IL15RA: variants seen among roughly 807,000 people sequenced by gnomAD.
The protein encoded by IL15RA is interleukin 15 receptor subunit alpha.
A neutral mutation model predicts 24.2 loss-of-function variants in IL15RA; 26 were observed. That is an observed-to-expected ratio of 1.07 (90% CI 0.79 to 1.49). The LOEUF is 1.49. Ranked by LOEUF, IL15RA falls within the 40% of genes most tolerant of loss-of-function variation. The pLI is 0.00. For missense variants in IL15RA, 354 were observed against 356.4 expected (o/e 0.99, Z 0.05); for synonymous variants, 166 against 157.6 (o/e 1.05, Z -0.40).
Position 5,953,062 on chromosome 10 carries a change from C to T in IL15RA, c.*33G>A, listed in dbSNP as rs772931611. On this transcript the variant is annotated 3_prime_UTR_variant, in exon 7 of 7. Coordinates refer to ENST00000379977, the MANE Select transcript of IL15RA (RefSeq NM_002189.4). The surrounding 1 kb of genome is among the most constrained non-coding windows in gnomAD (Gnocchi z 5.3). ...TAGCTAAAGCAGAGAGGCTCCTTCA[C>T]TCCGGACTTAGCTGGGCTGGTTTCC... 2 of 1,501,976 alleles carry T rather than the reference C, an allele frequency of 1.3e-6. No individual in the cohort carries two copies. Among genetic ancestry groups the T allele is most frequent in the South Asian group, 1.1e-5 (1 of 88,770 alleles). 93.0% of individuals were successfully genotyped at this position (1,501,976 alleles called of 1,614,324 possible).
intron 6 of IL15RA, among the ~76,000 whole-genome samples, chr10:5,954,350 G>A (rs1834223817): frequency 1.3e-5 from 2 of 152,064 alleles, no homozygotes; most frequent in Non-Finnish European, 2.9e-5. Context: ...AGCGATGCAT[G>A]CACTTCAGCC....
At position 5,973,419 on chromosome 10, in the gene IL15RA, A is replaced by C. The variant is rs923991563; in HGVS notation, c.88+3986T>G. On this transcript the variant is annotated intron_variant, in intron 1 of 6. Transcript: ENST00000379977. The surrounding 1 kb of genome is among the most constrained non-coding windows in gnomAD (Gnocchi z 4.5). Reference sequence around the variant, plus strand: ...TAATGTTATTTCAAATGACTTTTTAAAGTTTTTTAATTTCTAATTGTTCAT... The same window carrying C: ...TAATGTTATTTCAAATGACTTTTTACAGTTTTTTAATTTCTAATTGTTCAT... Among the ~76,000 whole-genome samples, 10 of 152,138 alleles carry C rather than the reference A, an allele frequency of 6.6e-5. No individual in the cohort carries two copies. The highest frequency in any genetic ancestry group is 2.4e-4 in the African/African-American group (10 of 41,432).
At chr10:5,978,382 C>G (rs1414708002), upstream of IL15RA, among the ~76,000 whole-genome samples, 1 of 152,066 alleles carries the variant, frequency 6.6e-6, no homozygotes, top group Non-Finnish European at 1.5e-5. The surrounding 1 kb of genome is among the most constrained non-coding windows in gnomAD (Gnocchi z 5.2). Context: ...CTGTAAGCTC[C>G]CAAGTGCAGA....
rs975460779 is a variant in IL15RA, at chr10:5,970,226, C to T, written c.89-3887G>A. 1.3e-5 allele frequency among the ~76,000 whole-genome samples: 2 copies of T among 152,052 alleles called. No individual in the cohort carries two copies. The highest frequency in any genetic ancestry group is 4.8e-5 in the African/African-American group (2 of 41,370). On this transcript the variant is annotated intron_variant, in intron 1 of 6. Transcript: ENST00000379977. The surrounding 1 kb of genome is among the most constrained non-coding windows in gnomAD (Gnocchi z 4.1). ...ATATCTTTACCTTATCACAGTTTTC[C>T]TTCCGGTGATGTTATACCACCACAT...
intron 6 of IL15RA, among the ~76,000 whole-genome samples, chr10:5,954,832 T>A (rs890730232): frequency 6.6e-6 from 1 of 152,184 alleles, no homozygotes; most frequent in African/African-American, 2.4e-5. Flanking sequence ...TTATTAATAG[T>A]GATATTTTGA....
intron 1 of IL15RA, among the ~76,000 whole-genome samples, chr10:5,972,829 G>A (rs1293800943): frequency 6.6e-6 from 1 of 151,904 alleles, no homozygotes; most frequent in Non-Finnish European, 1.5e-5. Flanking sequence ...ATACACTCAC[G>A]TTTTCACCAC....
Position 5,953,217 on chromosome 10 carries a change from G to A in IL15RA, c.693-11C>T, listed in dbSNP as rs750539532. On this transcript the variant is annotated splice_polypyrimidine_tract_variant and intron_variant, in intron 6 of 6. Transcript: ENST00000379977. This position sits in a 1 kb window ranked among gnomAD's most constrained non-coding sequence, Gnocchi z 5.3. Reference sequence around the variant, plus strand: ...AGCGGGGGAGTTTGCCTGCAAAGCAGGTGGTTCATAGGTTTTGAAAAGAGG... The same window carrying A: ...AGCGGGGGAGTTTGCCTGCAAAGCAAGTGGTTCATAGGTTTTGAAAAGAGG... The A allele has an allele frequency of 2.5e-6, 4 of 1,605,164 alleles. No individual in the cohort carries two copies. The African/African-American group carries it at 4.0e-5, about 16-fold the overall frequency.
rs1007765259 is a variant in IL15RA, at chr10:5,961,834, C to T, written c.383-1267G>A. Among the ~76,000 whole-genome samples, 1 of 152,254 alleles carries T rather than the reference C, an allele frequency of 6.6e-6. No homozygotes were observed. The highest frequency in any genetic ancestry group is 2.1e-4 in the South Asian group (1 of 4,838). On this transcript the variant is annotated intron_variant, in intron 3 of 6. Coordinates refer to ENST00000379977, the MANE Select transcript of IL15RA (RefSeq NM_002189.4). The surrounding 1 kb of genome is among the most constrained non-coding windows in gnomAD (Gnocchi z 5.2). The stretch of plus-strand genomic sequence containing the variant: ...CTCTCTGGACGCACTGTTGTTGCCG[C>T]GTTCCCATGGTCTCCCAGCCACACA...
rs747424061 is a variant in IL15RA, at chr10:5,958,274, C to T, written c.616+1480G>A. 44 of 452,730 alleles carry T rather than the reference C, an allele frequency of 9.7e-5. No homozygotes were observed. The highest frequency in any genetic ancestry group is 4.7e-5 in the Admixed American group (2 of 42,198). 28.0% of individuals were successfully genotyped at this position (452,730 alleles called of 1,614,324 possible). On this transcript the variant is annotated intron_variant, in intron 5 of 6. Transcript: ENST00000379977. This position sits in a 1 kb window ranked among gnomAD's most constrained non-coding sequence, Gnocchi z 4.3. ...AGAAAAGAAGCAACTGTCCAGCATTCCTTATCCTCTATATGTTTATTTATA... is the reference window on the plus strand; with the variant it reads ...AGAAAAGAAGCAACTGTCCAGCATTTCTTATCCTCTATATGTTTATTTATA...
chr10:5,976,498 A>C (rs1838471914), intron 1 of IL15RA, among the ~76,000 whole-genome samples: 1 of 152,158 alleles, frequency 6.6e-6, no homozygotes. Flanking sequence ...CACATTTTGT[A>C]ACTATGTTCA....
At position 5,973,201 on chromosome 10, in the gene IL15RA, CTTG is replaced by C. The variant is rs1837890363; in HGVS notation, c.88+4201_88+4203del. Among the ~76,000 whole-genome samples, 1 of 152,196 alleles carries C rather than the reference CTTG, an allele frequency of 6.6e-6. No homozygotes were observed. Among genetic ancestry groups the C allele is most frequent in the Non-Finnish European group, 1.5e-5 (1 of 68,034 alleles). On this transcript the variant is annotated intron_variant, in intron 1 of 6. Transcript: ENST00000379977. This position sits in a 1 kb window ranked among gnomAD's most constrained non-coding sequence, Gnocchi z 4.5. ...TTAAATAAGAACAGACTGGCAACAA[CTTG>C]TTGTGCATAGTAGCACAAGAAGGAG...
In IL15RA at chr10:5,962,597, A is replaced by G. The variant is rs1170233962; in HGVS notation, c.382+1146T>C. Among the ~76,000 whole-genome samples, 1 of 151,716 alleles carries G rather than the reference A, an allele frequency of 6.6e-6. No homozygotes were observed. The highest frequency in any genetic ancestry group is 6.6e-5 in the Admixed American group (1 of 15,230). ...ATAGAGCAAGACCCCATCTCAAAAA[A>G]AAAAAAAAAAAAGATCCACCTGGGG... is the stretch of plus-strand genomic sequence containing the variant. On this transcript the variant is annotated intron_variant, in intron 3 of 6. Coordinates refer to ENST00000379977, the MANE Select transcript of IL15RA (RefSeq NM_002189.4). This position sits in a 1 kb window ranked among gnomAD's most constrained non-coding sequence, Gnocchi z 5.2.
rs1838308541 is a variant in IL15RA, at chr10:5,975,589, A to AG, written c.88+1815dup. Reference sequence around the variant, plus strand: ...AATTATACCTCAATAAGGCTGTTAAAGGGAAAAAAAACAACGGCTGGGCAA... The same window carrying AG: ...AATTATACCTCAATAAGGCTGTTAAAGGGGAAAAAAAACAACGGCTGGGCAA... On this transcript the variant is annotated intron_variant, in intron 1 of 6. Transcript: ENST00000379977. The surrounding 1 kb of genome is among the most constrained non-coding windows in gnomAD (Gnocchi z 4.8). Among the ~76,000 whole-genome samples the AG allele has an allele frequency of 7.8e-6, 1 of 128,888 alleles. No individual in the cohort carries two copies. Among genetic ancestry groups the AG allele is most frequent in the South Asian group, 2.4e-4 (1 of 4,240 alleles). 84.6% of individuals were successfully genotyped at this position (128,888 alleles called of 152,430 possible). A position where few individuals can be genotyped will look rare whatever the true frequency, so the allele number is the denominator to read the frequency against.
rs984585445 is a variant in IL15RA, at chr10:5,962,516, T to G, written c.382+1227A>C. 8.8e-5 allele frequency among the ~76,000 whole-genome samples: 13 copies of G among 147,372 alleles called. No individual in the cohort carries two copies. Among genetic ancestry groups the G allele is most frequent in the Non-Finnish European group, 1.5e-4 (10 of 67,332 alleles). ...CTGAGGCAGGAAAATCACTTGAACC[T>G]GGGAGGCAGAGGTTGCAGTGAGCCA... On this transcript the variant is annotated intron_variant, in intron 3 of 6. Transcript: ENST00000379977. The surrounding 1 kb of genome is among the most constrained non-coding windows in gnomAD (Gnocchi z 5.2).
upstream of IL15RA, chr10:5,977,685 G>A (rs940097485): frequency 1.5e-5 from 18 of 1,230,914 alleles, no homozygotes; most frequent in Non-Finnish European, 1.8e-5. Context: ...ACCCCTGCTG[G>A]GGAAGGAGCC....
Position 5,960,691 on chromosome 10 carries a change from C to A in IL15RA, c.383-124G>T. ...CTGACCAGCCCTCCCTCTCTCACAGCCAACTGCTCCTTGAGAGGGTGACAT... is the reference window on the plus strand; with the variant it reads ...CTGACCAGCCCTCCCTCTCTCACAGACAACTGCTCCTTGAGAGGGTGACAT... On this transcript the variant is annotated intron_variant, in intron 3 of 6. Coordinates refer to ENST00000379977, the MANE Select transcript of IL15RA (RefSeq NM_002189.4). This position sits in a 1 kb window ranked among gnomAD's most constrained non-coding sequence, Gnocchi z 5.1. 1.3e-6 allele frequency: 1 copy of A among 758,578 alleles called. No individual in the cohort carries two copies. The highest frequency in any genetic ancestry group is 2.7e-5 in the East Asian group (1 of 37,174). 47.0% of individuals were successfully genotyped at this position (758,578 alleles called of 1,614,324 possible).
In IL15RA at chr10:5,960,389, T is replaced by A. The variant is rs370693284; in HGVS notation, c.561A>T (p.Ala187=). 58 of 1,613,968 alleles carry A rather than the reference T, an allele frequency of 3.6e-5. No individual in the cohort carries two copies. The highest frequency in any genetic ancestry group is 2.8e-4 in the Admixed American group (17 of 60,006). Reference sequence around the variant, plus strand: ...AACCTGGCGGCTGGTGGGAGGCGGATGCTGTGAGTTCCCAGTTCTTGGCTG... The same window carrying A: ...AACCTGGCGGCTGGTGGGAGGCGGAAGCTGTGAGTTCCCAGTTCTTGGCTG... The part of the protein sequence containing the change: ...QTTAKNWELT[A]SASHQPPGVY... The change falls in exon 4 of 7, where the codon GCA becomes GCT. Residue 187 remains alanine, a synonymous_variant. Transcript: ENST00000379977. The surrounding 1 kb of genome is among the most constrained non-coding windows in gnomAD (Gnocchi z 5.1).
rs1259711410 is a variant in IL15RA, at chr10:5,963,562, C to A, written c.382+181G>T. ...CATATAACACCTGGATATCAAGCAA[C>A]TTTGATTTGAAAAAGAAAATTAAGT... On this transcript the variant is annotated intron_variant, in intron 3 of 6. Coordinates refer to ENST00000379977, the MANE Select transcript of IL15RA (RefSeq NM_002189.4). This position sits in a 1 kb window ranked among gnomAD's most constrained non-coding sequence, Gnocchi z 5.3. 6.6e-6 allele frequency among the ~76,000 whole-genome samples: 1 copy of A among 152,218 alleles called. No homozygotes were observed. The highest frequency in any genetic ancestry group is 1.5e-5 in the Non-Finnish European group (1 of 68,042).
chr10:5,975,333 A>C lies in IL15RA; in HGVS notation c.88+2072T>G, dbSNP rs1838254493. ...TACTGTCTGTGAAAAAAGCCAAACA[A>C]GAAAGAGTTCCTACCGTGTAATTCT... On this transcript the variant is annotated intron_variant, in intron 1 of 6. Transcript: ENST00000379977. This position sits in a 1 kb window ranked among gnomAD's most constrained non-coding sequence, Gnocchi z 4.8. Among the ~76,000 whole-genome samples, 1 of 152,226 alleles carries C rather than the reference A, an allele frequency of 6.6e-6. No individual in the cohort carries two copies. The highest frequency in any genetic ancestry group is 2.4e-5 in the African/African-American group (1 of 41,460).
Sources: allele counts gnomAD v4.1 joint callset (sites outside exome capture counted in the v4.1 genomes callset), GRCh38; gene constraint gnomAD v4.1.1; non-coding constraint Gnocchi (gnomAD v3.1); transcripts MANE v1.5; gene names NCBI Gene and HGNC (gene_info 2026-07-23, HGNC 2026-07-21).